THSD7A: variants seen among roughly 807,000 people sequenced by gnomAD.
The protein encoded by THSD7A is thrombospondin type-1 domain-containing protein 7A.
In THSD7A, 96 loss-of-function variants were observed where a neutral mutation model predicts 231.3. That is an observed-to-expected ratio of 0.41 (90% CI 0.35 to 0.49). The LOEUF is 0.49. Ranked by LOEUF, THSD7A falls within the 20% of genes least tolerant of loss-of-function variation. The pLI, the probability that THSD7A is intolerant of heterozygous loss-of-function variation, is 0.05. For synonymous variants in THSD7A, 940 were observed against 743.3 expected (o/e 1.26, Z -4.30); for missense variants, 2,290 against 2,070.2 (o/e 1.11, Z -2.06).
At chr7:11,661,255 A>G (rs1188451333) in intron 1 of THSD7A, among the ~76,000 whole-genome samples, 1 of 151,422 alleles carries the variant, frequency 6.6e-6, no homozygotes, top group African/African-American at 2.4e-5. Flanking sequence ...AACCTAGCTA[A>G]ACACCAAACA....
chr7:11,666,618 A>G (rs1783142386), intron 1 of THSD7A, among the ~76,000 whole-genome samples: 3 of 151,988 alleles, frequency 2.0e-5, no homozygotes, highest in South Asian at 2.1e-4. Context: ...TCAGAATAAT[A>G]AATTATAATT....
At chr7:11,456,923 A>G (rs1470403962) in intron 11 of THSD7A, among the ~76,000 whole-genome samples, 1 of 152,178 alleles carries the variant, frequency 6.6e-6, no homozygotes, top group East Asian at 1.9e-4. Context: ...TAGCTATCTC[A>G]TATCTTAGTT....
At chr7:11,521,470 TTTTTA>T (rs1412908221) in intron 6 of THSD7A, among the ~76,000 whole-genome samples, 1 of 112,388 alleles carries the variant, frequency 8.9e-6, no homozygotes, top group African/African-American at 4.1e-5. Flanking sequence ...CTTTTTTATT[TTTTTA>T]TTTTATTTAT....
At chr7:11,509,691 G>A (rs1342634732) in intron 6 of THSD7A, among the ~76,000 whole-genome samples, 29 of 150,660 alleles carry the variant, frequency 1.9e-4, no homozygotes, top group Non-Finnish European at 7.4e-5. Flanking sequence ...GCGCAGTGGC[G>A]GGTGCCTGTA....
intron 6 of THSD7A, among the ~76,000 whole-genome samples, chr7:11,524,579 C>G (rs1289918819): frequency 6.6e-6 from 1 of 152,140 alleles, no homozygotes; most frequent in East Asian, 1.9e-4. Context: ...GGTCATTTAG[C>G]TGTGAAAATG....
At chr7:11,727,729 A>G (rs1250448675) in intron 1 of THSD7A, among the ~76,000 whole-genome samples, 1 of 151,840 alleles carries the variant, frequency 6.6e-6, no homozygotes, top group African/African-American at 2.4e-5. Context: ...ACATCTCAAA[A>G]CAATAATTAT....
chr7:11,753,946 A>G (rs894323472), intron 1 of THSD7A, among the ~76,000 whole-genome samples: 13 of 152,016 alleles, frequency 8.6e-5, no homozygotes, highest in African/African-American at 3.1e-4. Context: ...AACAACAGCA[A>G]CAACAACAAA....
chr7:11,479,010 T>C (rs1329968360), intron 7 of THSD7A, among the ~76,000 whole-genome samples: 1 of 152,200 alleles, frequency 6.6e-6, no homozygotes, highest in Non-Finnish European at 1.5e-5. Context: ...AATCGACAGA[T>C]AGATTCTCCA....
chr7:11,505,982 A>G (rs923993940), intron 6 of THSD7A, among the ~76,000 whole-genome samples: 2 of 152,164 alleles, frequency 1.3e-5, no homozygotes, highest in African/African-American at 4.8e-5. Context: ...GAAGCAAATT[A>G]AATACAATTT....
At chr7:11,478,918 T>C (rs1357011591) in intron 7 of THSD7A, among the ~76,000 whole-genome samples, 1 of 152,148 alleles carries the variant, frequency 6.6e-6, no homozygotes, top group Non-Finnish European at 1.5e-5. Context: ...TTAGGCATAG[T>C]TATACAACTT....
intron 1 of THSD7A, among the ~76,000 whole-genome samples, chr7:11,819,385 C>A (rs571959477): frequency 1.3e-5 from 2 of 152,290 alleles, no homozygotes; most frequent in Admixed American, 1.3e-4. Context: ...CATGAATATT[C>A]ATAACTGCCC....
chr7:11,588,124 A>G (rs1479870230), intron 4 of THSD7A, among the ~76,000 whole-genome samples: 1 of 152,140 alleles, frequency 6.6e-6, no homozygotes. Context: ...CTCTTTTATA[A>G]GATAAGCTTT....
chr7:11,505,667 T>C (rs1787514677), intron 6 of THSD7A, among the ~76,000 whole-genome samples: 1 of 152,196 alleles, frequency 6.6e-6, no homozygotes, highest in African/African-American at 2.4e-5. Flanking sequence ...TCCTTTCCAT[T>C]AGAATGAAAA....
At chr7:11,496,194 T>C (rs1313614366) in intron 6 of THSD7A, among the ~76,000 whole-genome samples, 1 of 152,178 alleles carries the variant, frequency 6.6e-6, no homozygotes, top group Non-Finnish European at 1.5e-5. Context: ...ATTTAGCGGA[T>C]ATAATTTTCC....
chr7:11,779,969 C>G (rs1051645434), intron 1 of THSD7A, among the ~76,000 whole-genome samples: 1 of 152,172 alleles, frequency 6.6e-6, no homozygotes, highest in Non-Finnish European at 1.5e-5. Flanking sequence ...TAAATTAAGG[C>G]TGCTATAACA....
chr7:11,558,688 G>A (rs1230198025), intron 4 of THSD7A, among the ~76,000 whole-genome samples: 1 of 152,128 alleles, frequency 6.6e-6, no homozygotes, highest in Non-Finnish European at 1.5e-5. Context: ...AAATTTCAGA[G>A]AGAATAGTGG....
chr7:11,780,652 G>C (rs1358602731), intron 1 of THSD7A, among the ~76,000 whole-genome samples: 3 of 152,148 alleles, frequency 2.0e-5, no homozygotes, highest in Non-Finnish European at 4.4e-5. Flanking sequence ...CTGTGAGCCA[G>C]AATCACCCAG....
intron 17 of THSD7A, 98 bp from the exon 18 acceptor site, chr7:11,412,898 C>CACTTAGAACAGTTAGAA: frequency 5.1e-6 from 7 of 1,378,782 alleles, no homozygotes; most frequent in Non-Finnish European, 6.9e-6. Flanking sequence ...AACATTTGGG[C>CACTTAGAACAGTTAGAA]CACTGGCTAA....
At chr7:11,456,204 T>C (rs960522750) in intron 11 of THSD7A, among the ~76,000 whole-genome samples, 8 of 152,060 alleles carry the variant, frequency 5.3e-5, no homozygotes, top group African/African-American at 1.9e-4. Flanking sequence ...ACTCTGAATG[T>C]CCAGCTTTTG....
Sources: gnomAD v4.1 joint callset for allele counts (sites outside exome capture counted in the v4.1 genomes callset) on GRCh38, gnomAD v4.1.1 for gene constraint, MANE v1.5 for transcripts, NCBI Gene and HGNC (gene_info 2026-07-23, HGNC 2026-07-21) for gene names.